The following NAA25 variants were observed in gnomAD, a reference collection of about 807,000 sequenced individuals.
NAA25 encodes the protein N-terminal acetyltransferase B complex subunit NAA25.
A neutral mutation model predicts 132.5 loss-of-function variants in NAA25; 30 were observed. The observed-to-expected ratio is 0.23, with a 90% CI of 0.17 to 0.31. The LOEUF (loss-of-function observed/expected upper bound fraction) is 0.31, where lower values mean the gene tolerates loss of function less well. NAA25 is among the 10% of genes least tolerant of loss of function. The pLI is 1.00. For synonymous variants in NAA25, 359 were observed against 401.9 expected (o/e 0.89, Z 1.28); for missense variants, 771 against 1,150.4 (o/e 0.67, Z 4.77).
intron 21 of NAA25, 95 bp downstream of exon 21, chr12:112,040,386 G>A: frequency 2.9e-6 from 2 of 690,142 alleles, no homozygotes; most frequent in Non-Finnish European, 5.0e-6. Flanking sequence ...TTAAGTTACA[G>A]GTATAAGGTG....
chr12:112,044,090 G>A (rs530950015), intron 17 of NAA25, among the ~76,000 whole-genome samples: 8 of 151,876 alleles, frequency 5.3e-5, no homozygotes, highest in Admixed American at 6.6e-5. Flanking sequence ...ACCACGCCCG[G>A]CTAATTTTTT....
chr12:112,050,037 C>G (rs1261155248), intron 15 of NAA25, among the ~76,000 whole-genome samples: 1 of 146,422 alleles, frequency 6.8e-6, no homozygotes, highest in Non-Finnish European at 1.5e-5. Context: ...CCGTGGAACA[C>G]CACTTTATTT....
chr12:112,057,581 G>A (rs1301379614), intron 13 of NAA25, among the ~76,000 whole-genome samples: 2 of 152,198 alleles, frequency 1.3e-5, no homozygotes, highest in Non-Finnish European at 2.9e-5. Flanking sequence ...CTGGCCAGGT[G>A]CAGTAGCTCA....
chr12:112,084,160 C>T (rs958299474), intron 4 of NAA25, among the ~76,000 whole-genome samples: 2 of 152,124 alleles, frequency 1.3e-5, no homozygotes, highest in East Asian at 3.8e-4. Flanking sequence ...GCCTTATCAC[C>T]ATATGAATAA....
intron 22 of NAA25, among the ~76,000 whole-genome samples, chr12:112,038,952 C>T (rs544889816): frequency 1.1e-4 from 16 of 152,062 alleles, no homozygotes; most frequent in Non-Finnish European, 2.2e-4. Context: ...GAACTCCAGC[C>T]TGGGCTATAG....
chr12:112,041,485 G>A (rs908415226), intron 20 of NAA25, among the ~76,000 whole-genome samples: 4 of 151,946 alleles, frequency 2.6e-5, no homozygotes, highest in African/African-American at 9.7e-5. Flanking sequence ...CACCATGCCC[G>A]GCCAGAAAGA....
intron 15 of NAA25, among the ~76,000 whole-genome samples, chr12:112,050,633 C>G (rs972827608): frequency 1.3e-5 from 2 of 151,818 alleles, no homozygotes; most frequent in Non-Finnish European, 2.9e-5. Flanking sequence ...AGTCTCCTGA[C>G]TCAGCCTCCC....
intron 5 of NAA25, among the ~76,000 whole-genome samples, chr12:112,080,514 T>G (rs990759817): frequency 6.6e-6 from 1 of 151,562 alleles, no homozygotes; most frequent in African/African-American, 2.4e-5. Flanking sequence ...TCTACAACAT[T>G]TTTTTGAGAC....
In NAA25 at chr12:112,100,440, C is replaced by T. The variant is rs956520648; in HGVS notation, c.59-7304G>A. On this transcript the variant is annotated intron_variant, in intron 1 of 23. Transcript: ENST00000261745. ...CCTCCCAAAGTGCTGGGATTACAGGCGTGAGCCACCACACCTGGCCTTGCT... is the reference window on the plus strand; with the variant it reads ...CCTCCCAAAGTGCTGGGATTACAGGTGTGAGCCACCACACCTGGCCTTGCT... Among the ~76,000 whole-genome samples the T allele has an allele frequency of 2.6e-5, 4 of 152,016 alleles. 1 individual carries two copies. The highest frequency in any genetic ancestry group is 2.9e-5 in the Non-Finnish European group (2 of 68,014).
At position 112,085,014 on chromosome 12, in the gene NAA25, G is replaced by C. The variant is rs10850000; in HGVS notation, c.402+2669C>G. On this transcript the variant is annotated intron_variant, in intron 4 of 23. Coordinates refer to ENST00000261745, the MANE Select transcript of NAA25 (RefSeq NM_024953.4). ...TGGGAGGCTGAGGCAGGTGGGTCAA[G>C]AGGTGAGGAGTTCGAGACCAGCCTG... Among the ~76,000 whole-genome samples, 8,407 of 152,084 alleles carry C rather than the reference G, an allele frequency of 0.055. 1,288 individuals are homozygous for C. The East Asian group carries it at 0.61, about 11-fold the overall frequency.
chr12:112,036,204 G>T (rs1370643838), intron 22 of NAA25, among the ~76,000 whole-genome samples: 1 of 151,990 alleles, frequency 6.6e-6, no homozygotes, highest in East Asian at 1.9e-4. Flanking sequence ...AATACAAATG[G>T]AAATAAACTT....
chr12:112,071,213 T>A (rs955135658), intron 10 of NAA25, among the ~76,000 whole-genome samples: 7 of 149,046 alleles, frequency 4.7e-5, no homozygotes, highest in Non-Finnish European at 1.0e-4. Context: ...AGAAACGGGG[T>A]TACGGCCATG....
chr12:112,078,815 T>C (rs1330846238), intron 5 of NAA25, 74 bp from the exon 6 acceptor site: 2 of 1,156,390 alleles, frequency 1.7e-6, no homozygotes, highest in Non-Finnish European at 1.3e-6. Context: ...TACTGTTAAT[T>C]GGGCACATAA....
intron 13 of NAA25, among the ~76,000 whole-genome samples, chr12:112,054,785 G>A (rs139301081): frequency 8.9e-4 from 136 of 152,196 alleles, no homozygotes; most frequent in Admixed American, 1.6e-3. Context: ...CATGCCCACA[G>A]CAAAAACGAT....
chr12:112,108,624 G>C, intron 1 of NAA25, 92 bp downstream of exon 1: 1 of 1,211,814 alleles, frequency 8.3e-7, no homozygotes, highest in Non-Finnish European at 1.0e-6. Context: ...CGGCCCGCGC[G>C]CCGGCCCTCA....
chr12:112,075,095 T>C (rs1287921758), intron 8 of NAA25, among the ~76,000 whole-genome samples: 2 of 152,108 alleles, frequency 1.3e-5, no homozygotes, highest in African/African-American at 4.8e-5. Flanking sequence ...ATGAAGCCTC[T>C]CTCTTTTAGG....
chr12:112,074,648 T>A (rs780962834), intron 9 of NAA25, 27 bp downstream of exon 9: 1 of 1,466,386 alleles, frequency 6.8e-7, no homozygotes, highest in Admixed American at 1.8e-5. Flanking sequence ...AAAGTGCTGT[T>A]ATAATTCAGG....
At chr12:112,048,036 G>A (rs768615427) in intron 16 of NAA25, among the ~76,000 whole-genome samples, 4 of 152,034 alleles carry the variant, frequency 2.6e-5, no homozygotes, top group Non-Finnish European at 5.9e-5. Context: ...TAGGGGAGGC[G>A]GAACCTTCGT....
chr12:112,101,327 G>A (rs2079292143), intron 1 of NAA25, among the ~76,000 whole-genome samples: 1 of 152,116 alleles, frequency 6.6e-6, no homozygotes, highest in South Asian at 2.1e-4. Flanking sequence ...GTGCTGTTTA[G>A]TACTCATTTC....
Sources: gnomAD v4.1 joint callset for allele counts (sites outside exome capture counted in the v4.1 genomes callset) on GRCh38, gnomAD v4.1.1 for gene constraint, MANE v1.5 for transcripts, NCBI Gene and HGNC (gene_info 2026-07-23, HGNC 2026-07-21) for gene names.